The following KHDRBS3 variants were observed in gnomAD, a reference collection of about 807,000 sequenced individuals.
KHDRBS3 encodes KH domain-containing, RNA-binding, signal transduction-associated protein 3.
In KHDRBS3, 23 loss-of-function variants were observed where a neutral mutation model predicts 45.6. The ratio of observed to expected loss-of-function variants is 0.50; its 90% CI spans 0.36 to 0.72. KHDRBS3 has a LOEUF of 0.72. Among genes scored for constraint, KHDRBS3 ranks in the 30% least tolerant of loss-of-function variants. The pLI, the probability that KHDRBS3 is intolerant of heterozygous loss-of-function variation, is 0.00. For missense variants in KHDRBS3, 352 were observed against 424.8 expected (o/e 0.83, Z 1.51); for synonymous variants, 162 against 156.5 (o/e 1.04, Z -0.26).
chr8:135,549,042 A>C (rs1280992976), intron 4 of KHDRBS3, 142 bp downstream of exon 4: 1 of 456,544 alleles, frequency 2.2e-6, no homozygotes, highest in Admixed American at 4.2e-5. Context: ...TAGACCTTAC[A>C]TTGTCCTTGT....
chr8:135,614,778 A>C, intron 7 of KHDRBS3, among the ~76,000 whole-genome samples: 1 of 151,680 alleles, frequency 6.6e-6, no homozygotes, highest in East Asian at 1.9e-4. Flanking sequence ...AGAAAAGAAA[A>C]ATTATTTGGT....
In KHDRBS3 at chr8:135,606,999, T is replaced by C. The variant is rs1274324503; in HGVS notation, c.852T>C (p.Tyr284=). The C allele has an allele frequency of 3.1e-6, 5 of 1,613,588 alleles. No individual in the cohort carries two copies. The highest frequency in any genetic ancestry group is 4.2e-6 in the Non-Finnish European group (5 of 1,179,744). The change falls in exon 7 of 9, where the codon TAT becomes TAC. Residue 284 remains tyrosine, a synonymous_variant. Transcript: ENST00000355849. ...GYGTAYDEQS[Y]DSYDNSYSTP... ...GCACTGCTTATGATGAACAGAGTTATGATTCCTATGATAACAGCTATAGCA... is the reference window on the plus strand; with the variant it reads ...GCACTGCTTATGATGAACAGAGTTACGATTCCTATGATAACAGCTATAGCA...
intron 2 of KHDRBS3, chr8:135,540,745 A>G (rs758340044): frequency 2.0e-5 from 3 of 152,234 alleles, no homozygotes; most frequent in African/African-American, 7.2e-5. Flanking sequence ...ACAGATACTG[A>G]TATTTCAGTA....
At chr8:135,560,404 A>C (rs1198760542) in intron 5 of KHDRBS3, among the ~76,000 whole-genome samples, 1 of 152,122 alleles carries the variant, frequency 6.6e-6, no homozygotes, top group South Asian at 2.1e-4. Flanking sequence ...ACTTAAGATT[A>C]AATTACTCTT....
chr8:135,649,544 A>G (rs1334669260), downstream of KHDRBS3, among the ~76,000 whole-genome samples: 1 of 152,106 alleles, frequency 6.6e-6, no homozygotes. Flanking sequence ...AATAATTCTC[A>G]TCATTTTTGT....
At chr8:135,458,217 C>G in intron 1 of KHDRBS3, 1 of 1,251,372 alleles carries the variant, frequency 8.0e-7, no homozygotes, top group Non-Finnish European at 1.0e-6. Context: ...GGGACTCGGG[C>G]ACACCCAGGG....
At chr8:135,568,637 A>C (rs1237765345) in intron 5 of KHDRBS3, among the ~76,000 whole-genome samples, 2 of 152,212 alleles carry the variant, frequency 1.3e-5, no homozygotes, top group Non-Finnish European at 2.9e-5. Flanking sequence ...TAAAATGACA[A>C]GTAAACAAAT....
chr8:135,471,983 G>C (rs374245795), intron 1 of KHDRBS3, among the ~76,000 whole-genome samples: 2 of 152,192 alleles, frequency 1.3e-5, no homozygotes, highest in African/African-American at 2.4e-5. Context: ...AGTGCTCAGC[G>C]TGGTGCCTGG....
intron 5 of KHDRBS3, among the ~76,000 whole-genome samples, chr8:135,579,311 A>G (rs1269180049): frequency 1.3e-5 from 2 of 152,168 alleles, no homozygotes; most frequent in African/African-American, 4.8e-5. Context: ...CTCACAATTC[A>G]ATATGTTGCA....
intron 7 of KHDRBS3, among the ~76,000 whole-genome samples, chr8:135,643,904 G>A (rs796490400): frequency 5.3e-5 from 8 of 152,358 alleles, no homozygotes; most frequent in African/African-American, 1.9e-4. Flanking sequence ...TTCACAGCAA[G>A]CATCTGTGCT....
intron 2 of KHDRBS3, among the ~76,000 whole-genome samples, chr8:135,534,095 AT>A (rs563645933): frequency 2.9e-4 from 43 of 146,914 alleles, no homozygotes; most frequent in Non-Finnish European, 5.3e-4. Context: ...GTATCCAAAC[AT>A]TTTTTAAAAA....
chr8:135,561,112 T>C (rs1389137148), intron 5 of KHDRBS3, among the ~76,000 whole-genome samples: 1 of 152,202 alleles, frequency 6.6e-6, no homozygotes, highest in African/African-American at 2.4e-5. Context: ...ATATTTCCTG[T>C]GTATTTAACC....
At chr8:135,532,550 T>C (rs929895156) in intron 2 of KHDRBS3, among the ~76,000 whole-genome samples, 2 of 152,164 alleles carry the variant, frequency 1.3e-5, no homozygotes, top group Non-Finnish European at 2.9e-5. Flanking sequence ...AGACTTCTGT[T>C]ATGTGTGTGT....
At chr8:135,626,386 A>G (rs979165864) in intron 7 of KHDRBS3, among the ~76,000 whole-genome samples, 1 of 152,268 alleles carries the variant, frequency 6.6e-6, no homozygotes, top group Non-Finnish European at 1.5e-5. Context: ...CTGAGCCTAT[A>G]AAAGTAAATA....
Position 135,504,104 on chromosome 8 carries a change from A to G in KHDRBS3, c.89-17133A>G, listed in dbSNP as rs1295080060. Among the ~76,000 whole-genome samples, 4 of 152,156 alleles carry G rather than the reference A, an allele frequency of 2.6e-5. No individual in the cohort carries two copies. In the East Asian group the frequency reaches 5.8e-4, roughly 22 times the overall value. Reference sequence around the variant, plus strand: ...TGCTTTTTGCTTTTTTCTCAGTGTCATACTGTAAGTAAGTGCTGGCCTGTG... The same window carrying G: ...TGCTTTTTGCTTTTTTCTCAGTGTCGTACTGTAAGTAAGTGCTGGCCTGTG... On this transcript the variant is annotated intron_variant, in intron 1 of 8. Transcript: ENST00000355849.
rs190616088 is a variant in KHDRBS3 at position 135,623,580 on chromosome 8, T to C, written c.890+16543T>C. Among the ~76,000 whole-genome samples the C allele has an allele frequency of 4.3e-4, 65 of 152,238 alleles. 2 individuals carry two copies. In the East Asian group the frequency reaches 8.7e-3, roughly 20 times the overall value. ...GCTAAGTTCCTTACTTTTTTTTTTT[T>C]TCTCTCTTGAAATACAGAATTTTAT... On this transcript the variant is annotated intron_variant, in intron 7 of 8. Transcript: ENST00000355849.
intron 6 of KHDRBS3, among the ~76,000 whole-genome samples, chr8:135,583,120 A>G (rs1168428675): frequency 6.6e-6 from 1 of 152,124 alleles, no homozygotes; most frequent in Non-Finnish European, 1.5e-5. Flanking sequence ...GGAAATTTAG[A>G]GGTGGTAATA....
chr8:135,498,940 T>C (rs1264876994), intron 1 of KHDRBS3, among the ~76,000 whole-genome samples: 1 of 152,190 alleles, frequency 6.6e-6, no homozygotes, highest in Non-Finnish European at 1.5e-5. Flanking sequence ...TAAACAAATC[T>C]GCATTACTGT....
chr8:135,653,384 C>G (rs1006767803), intron 4 of KHDRBS3, among the ~76,000 whole-genome samples: 7 of 152,222 alleles, frequency 4.6e-5, no homozygotes, highest in African/African-American at 1.7e-4. Context: ...TCTTGAAACA[C>G]TGACACTGAG....
Sources: allele counts gnomAD v4.1 joint callset (sites outside exome capture counted in the v4.1 genomes callset), GRCh38; gene constraint gnomAD v4.1.1; transcripts MANE v1.5; gene names NCBI Gene and HGNC (gene_info 2026-07-23, HGNC 2026-07-21).